Variants in SMIM5 observed in about 807,000 individuals in gnomAD.
SMIM5 encodes the protein chromosome 17 open reading frame 109.
In SMIM5, 4 loss-of-function variants were observed where a neutral mutation model predicts 4.0. The ratio of observed to expected loss-of-function variants is 1.01; its 90% CI spans 0.50 to 2.30. The LOEUF (loss-of-function observed/expected upper bound fraction) is 2.30. SMIM5 is among the 30% of genes most tolerant of loss of function. The probability of loss-of-function intolerance (pLI) is 0.02; values close to 1 mark genes in which losing one functional copy is unlikely to be tolerated. For missense variants in SMIM5, 107 were observed against 99.2 expected (o/e 1.08, Z -0.34); for synonymous variants, 46 against 43.6 (o/e 1.05, Z -0.22).
Position 75,634,117 on chromosome 17 carries a change from G to A in SMIM5, c.-122G>A, listed in dbSNP as rs921621431. ...GGGCTGAGGCGCCCAGGGGAGCAGC[G>A]GCGCCCACGAAGGAAGTACGAGGAC... is the stretch of plus-strand genomic sequence containing the variant. On this transcript the variant is annotated 5_prime_UTR_variant, in exon 1 of 3. Transcript: ENST00000375215. 1.1e-5 allele frequency: 11 copies of A among 985,436 alleles called. No homozygotes were observed. Among genetic ancestry groups the A allele is most frequent in the Non-Finnish European group, 9.6e-6 (8 of 830,018 alleles). The allele number at this position is 985,436 out of a possible 1,614,324, so 61.0% of individuals were successfully genotyped here.
Position 75,641,109 on chromosome 17 carries a change from C to G in SMIM5, c.*212C>G. On this transcript the variant is annotated 3_prime_UTR_variant, in exon 3 of 3. Coordinates refer to ENST00000375215, the MANE Select transcript of SMIM5 (RefSeq NM_001162995.3). Reference sequence around the variant, plus strand: ...CAAACCTCTCATCTGCCAGTGGACACTGGGTGCTGGGGAGTCAGCTGTTTC... The same window carrying G: ...CAAACCTCTCATCTGCCAGTGGACAGTGGGTGCTGGGGAGTCAGCTGTTTC... 1.2e-6 allele frequency: 1 copy of G among 823,792 alleles called. No homozygotes were observed. Among genetic ancestry groups the G allele is most frequent in the Non-Finnish European group, 1.8e-6 (1 of 555,194 alleles). The allele number at this position is 823,792 out of a possible 1,614,324, so 51.0% of individuals were successfully genotyped here. A position where few individuals can be genotyped will look rare whatever the true frequency, so the allele number is the denominator to read the frequency against.
intron 1 of SMIM5, chr17:75,639,281 G>A (rs543792032): frequency 1.3e-5 from 2 of 152,440 alleles, no homozygotes. Context: ...CCCTGGATTA[G>A]AGCAACTGCC....
At position 75,640,742 on chromosome 17, in the gene SMIM5, T is replaced by A. The variant is rs565540953; in HGVS notation, c.128-49T>A. On this transcript the variant is annotated intron_variant, in intron 2 of 2. Coordinates refer to ENST00000375215, the MANE Select transcript of SMIM5 (RefSeq NM_001162995.3). The surrounding 1 kb of genome is among the most constrained non-coding windows in gnomAD (Gnocchi z 4.6). The stretch of plus-strand genomic sequence containing the variant: ...GGTTTCTCTGGGAGGAGGGTGGGCA[T>A]CCTTTCTCTCCCCCAACCTGAGTCC... 598 of 1,530,412 alleles carry A rather than the reference T, an allele frequency of 3.9e-4. 3 individuals are homozygous for A. The East Asian group carries it at 0.014, about 35-fold the overall frequency. 94.8% of individuals were successfully genotyped at this position (1,530,412 alleles called of 1,614,324 possible).
rs534932983 is a variant in SMIM5, at chr17:75,635,882, C to T, written c.-37+1680C>T. 47 of 985,342 alleles carry T rather than the reference C, an allele frequency of 4.8e-5. No homozygotes were observed. In the East Asian group the frequency reaches 2.4e-3, roughly 50 times the overall value. The allele number at this position is 985,342 out of a possible 1,614,324, so 61.0% of individuals were successfully genotyped here. A position where few individuals can be genotyped will look rare whatever the true frequency, so the allele number is the denominator to read the frequency against. ...GCCTGGGGTTGGAGTATCAGCTCTG[C>T]GAGGAGGAAACAGGGAAGCTTCGGG... On this transcript the variant is annotated intron_variant, in intron 1 of 2. Coordinates refer to ENST00000375215, the MANE Select transcript of SMIM5 (RefSeq NM_001162995.3).
rs1465427337 is a variant in SMIM5 at position 75,640,526 on chromosome 17, G to A, written c.127+198G>A. On this transcript the variant is annotated intron_variant, in intron 2 of 2. Transcript: ENST00000375215. This position sits in a 1 kb window ranked among gnomAD's most constrained non-coding sequence, Gnocchi z 4.6. The stretch of plus-strand genomic sequence containing the variant: ...TGGGTGATGGGCGGTGCTGGGGACT[G>A]GGCCCAGCAGTACCCCGGGATCCCA... Among the ~76,000 whole-genome samples the A allele has an allele frequency of 1.3e-5, 2 of 152,048 alleles. No individual in the cohort carries two copies. The highest frequency in any genetic ancestry group is 2.1e-4 in the South Asian group (1 of 4,828).
Position 75,641,019 on chromosome 17 carries a change from C to T in SMIM5, c.*122C>T, listed in dbSNP as rs1346293108. 32 of 1,458,962 alleles carry T rather than the reference C, an allele frequency of 2.2e-5. No homozygotes were observed. The highest frequency in any genetic ancestry group is 2.7e-5 in the Non-Finnish European group (30 of 1,099,594). 90.4% of individuals were successfully genotyped at this position (1,458,962 alleles called of 1,614,324 possible). A position where few individuals can be genotyped will look rare whatever the true frequency, so the allele number is the denominator to read the frequency against. On this transcript the variant is annotated 3_prime_UTR_variant, in exon 3 of 3. Coordinates refer to ENST00000375215, the MANE Select transcript of SMIM5 (RefSeq NM_001162995.3). Reference sequence around the variant, plus strand: ...AGGCTCCCCTGGCCCCAGCTCTGGCCCAGCCCAGGTACCTGGACACTGACA... The same window carrying T: ...AGGCTCCCCTGGCCCCAGCTCTGGCTCAGCCCAGGTACCTGGACACTGACA...
chr17:75,641,210 A>C lies in SMIM5; in HGVS notation c.*313A>C. ...AAAACAAGGAAGTAGGGGTCCCCAT[A>C]CCTTGATGGAGAACAGTCCCCACCT... On this transcript the variant is annotated 3_prime_UTR_variant, in exon 3 of 3. Transcript: ENST00000375215. 3.2e-6 allele frequency: 1 copy of C among 309,936 alleles called. No individual in the cohort carries two copies. 19.2% of individuals were successfully genotyped at this position (309,936 alleles called of 1,614,324 possible).
At chr17:75,635,696 G>A in intron 1 of SMIM5, 5 of 694,850 alleles carry the variant, frequency 7.2e-6, no homozygotes, top group Non-Finnish European at 8.9e-6. Context: ...CTTCTAGGTG[G>A]ACCTCAAACG....
At position 75,640,164 on chromosome 17, in the gene SMIM5, A is replaced by G. The variant is rs1167380270; in HGVS notation, c.-36-2A>G. 1.3e-6 allele frequency: 2 copies of G among 1,520,924 alleles called. No homozygotes were observed. The highest frequency in any genetic ancestry group is 1.8e-6 in the Non-Finnish European group (2 of 1,135,306). 94.2% of individuals were successfully genotyped at this position (1,520,924 alleles called of 1,614,324 possible). ...CTCCAGGTGTTCTCTCTGCCCCAGCAGAGCCCGGCAGGAGCCCCAACAGGA... is the reference window on the plus strand; with the variant it reads ...CTCCAGGTGTTCTCTCTGCCCCAGCGGAGCCCGGCAGGAGCCCCAACAGGA... On this transcript the variant is annotated splice_acceptor_variant, in intron 1 of 2. Coordinates refer to ENST00000375215, the MANE Select transcript of SMIM5 (RefSeq NM_001162995.3). LOFTEE classifies it low-confidence loss of function (5UTR_SPLICE). This position sits in a 1 kb window ranked among gnomAD's most constrained non-coding sequence, Gnocchi z 4.6.
At chr17:75,638,042 T>C (rs2059360104) in intron 1 of SMIM5, 1 of 152,042 alleles carries the variant, frequency 6.6e-6, no homozygotes, top group Non-Finnish European at 1.5e-5. Context: ...AAAACTGAGA[T>C]CCTCACCTCC....
chr17:75,634,271 T>C (rs1156625633), intron 1 of SMIM5, 69 bp downstream of exon 1: 16 of 984,728 alleles, frequency 1.6e-5, no homozygotes, highest in Non-Finnish European at 1.9e-5. Context: ...GCCCCCAGGG[T>C]GAAGGGCCAC....
rs1231053507 is a variant in SMIM5 at position 75,640,939 on chromosome 17, C to T, written c.*42C>T. On this transcript the variant is annotated 3_prime_UTR_variant, in exon 3 of 3. Coordinates refer to ENST00000375215, the MANE Select transcript of SMIM5 (RefSeq NM_001162995.3). This position sits in a 1 kb window ranked among gnomAD's most constrained non-coding sequence, Gnocchi z 4.6. ...GAGGAGAAGCTGGAGAGGAGATGGC[C>T]AATGCCATGACACAGGCCATCAGCC... 1 of 1,534,680 alleles carries T rather than the reference C, an allele frequency of 6.5e-7. No homozygotes were observed. The highest frequency in any genetic ancestry group is 2.0e-5 in the Admixed American group (1 of 50,924).
intron 1 of SMIM5, 171 bp downstream of exon 1, chr17:75,634,373 T>C: frequency 2.0e-6 from 1 of 497,588 alleles, no homozygotes; most frequent in Non-Finnish European, 2.6e-6. Flanking sequence ...ACCTGCACTC[T>C]CCCTGCTGCT....
Position 75,640,891 on chromosome 17 carries a change from AC to A in SMIM5, c.230del (p.Pro77HisfsTer19). On this transcript the variant is annotated frameshift_variant, in exon 3 of 3. Coordinates refer to ENST00000375215, the MANE Select transcript of SMIM5 (RefSeq NM_001162995.3). LOFTEE classifies it high-confidence loss of function. The surrounding 1 kb of genome is among the most constrained non-coding windows in gnomAD (Gnocchi z 4.6). Reference sequence around the variant, plus strand: ...GGAAGGTCCAGGTGCAGCCGACACCACCATGACGGACGGGCGATGGCTGAGG... The same window carrying A: ...GGAAGGTCCAGGTGCAGCCGACACCACATGACGGACGGGCGATGGCTGAGG... ...GRKVQVQPTP[P>X] is the part of the protein sequence containing the mutation. The A allele has an allele frequency of 6.5e-7, 1 of 1,544,334 alleles. No homozygotes were observed. The highest frequency in any genetic ancestry group is 1.2e-5 in the South Asian group (1 of 84,060).
rs576725418 is a variant in SMIM5 at position 75,633,701 on chromosome 17, C to A, written c.-538C>A. The A allele has an allele frequency of 1.2e-4, 134 of 1,132,550 alleles. 1 individual carries two copies. In the South Asian group the frequency reaches 2.4e-3, roughly 20 times the overall value. The allele number at this position is 1,132,550 out of a possible 1,614,324, so 70.2% of individuals were successfully genotyped here. On this transcript the variant is annotated 5_prime_UTR_variant, in exon 1 of 3. Transcript: ENST00000375215. The stretch of plus-strand genomic sequence containing the variant: ...GTGGCCAGAGGGACAGAAGGGGTGG[C>A]CTTCCTGAGGGCAGGGTGGGTGCCC...
In SMIM5 at chr17:75,640,975, G is replaced by A. The variant is rs1341181862; in HGVS notation, c.*78G>A. 4 of 1,513,576 alleles carry A rather than the reference G, an allele frequency of 2.6e-6. No individual in the cohort carries two copies. The highest frequency in any genetic ancestry group is 4.0e-5 in the Admixed American group (2 of 50,290). The allele number at this position is 1,513,576 out of a possible 1,614,324, so 93.8% of individuals were successfully genotyped here. ...CACAGGCCATCAGCCTGGCCCTGCA[G>A]CCCTTACCCCTCAAGACCAGGCTCC... On this transcript the variant is annotated 3_prime_UTR_variant, in exon 3 of 3. Transcript: ENST00000375215. This position sits in a 1 kb window ranked among gnomAD's most constrained non-coding sequence, Gnocchi z 4.6.
chr17:75,633,800 A>G lies in SMIM5; in HGVS notation c.-439A>G. 2 of 1,009,570 alleles carry G rather than the reference A, an allele frequency of 2.0e-6. No individual in the cohort carries two copies. Among genetic ancestry groups the G allele is most frequent in the South Asian group, 7.3e-5 (2 of 27,222 alleles). The allele number at this position is 1,009,570 out of a possible 1,614,324, so 62.5% of individuals were successfully genotyped here. A position where few individuals can be genotyped will look rare whatever the true frequency, so the allele number is the denominator to read the frequency against. On this transcript the variant is annotated 5_prime_UTR_variant, in exon 1 of 3. Coordinates refer to ENST00000375215, the MANE Select transcript of SMIM5 (RefSeq NM_001162995.3). ...CTCCCCAGGGTCCTCCTGGCCAGGA[A>G]GGCAGAGAGCCGACTTCTTTCTTCA...
chr17:75,640,851 C>A lies in SMIM5; in HGVS notation c.188C>A (p.Pro63His). 1 of 1,549,110 alleles carries A rather than the reference C, an allele frequency of 6.5e-7. No individual in the cohort carries two copies. ...TGCTGCTGCACTCACTGCTGCTGCC[C>A]TGAGCGGAGAGGCAGGAAGGTCCAG... is the stretch of plus-strand genomic sequence containing the variant. The part of the protein sequence containing the change: ...CSCCCTHCCC[P>H]ERRGRKVQVQ... Residue 63 changes from proline (P) to histidine (H), a missense_variant, in exon 3 of 3, where the codon CCT becomes CAT. Transcript: ENST00000375215. The surrounding 1 kb of genome is among the most constrained non-coding windows in gnomAD (Gnocchi z 4.6).
intron 1 of SMIM5, among the ~76,000 whole-genome samples, chr17:75,635,310 C>T (rs1477938194): frequency 6.6e-6 from 1 of 152,072 alleles, no homozygotes; most frequent in Non-Finnish European, 1.5e-5. Flanking sequence ...GCCTGGAGAC[C>T]CCAGTGGCTG....
Sources: allele counts gnomAD v4.1 joint callset (sites outside exome capture counted in the v4.1 genomes callset), GRCh38; gene constraint gnomAD v4.1.1; non-coding constraint Gnocchi (gnomAD v3.1); transcripts MANE v1.5; gene names NCBI Gene and HGNC (gene_info 2026-07-23, HGNC 2026-07-21).